Variants in PLA2G4E observed in about 807,000 individuals in gnomAD.
PLA2G4E encodes cytosolic phospholipase A2 epsilon.
PLA2G4E carries 84 observed loss-of-function variants against 109.1 expected under a neutral mutation model. The observed-to-expected ratio is 0.77, with a 90% CI of 0.65 to 0.92. The LOEUF (loss-of-function observed/expected upper bound fraction) is 0.92, where lower values mean the gene tolerates loss of function less well. Ranked by LOEUF, PLA2G4E falls within the 40% of genes least tolerant of loss-of-function variation. The pLI, the probability that PLA2G4E is intolerant of heterozygous loss-of-function variation, is 0.00. For missense variants in PLA2G4E, 1,057 were observed against 1,076.6 expected (o/e 0.98, Z 0.25); for synonymous variants, 469 against 436.1 (o/e 1.08, Z -0.94).
chr15:42,021,158 G>A (rs138881417), intron 1 of PLA2G4E, among the ~76,000 whole-genome samples, 116 bp from the exon 1 acceptor site: 1 of 151,856 alleles, frequency 6.6e-6, no homozygotes, highest in African/African-American at 2.4e-5. Context: ...TAGACAGATA[G>A]GGTGCATGGG....
chr15:42,011,564 AT>A (rs35303336), intron 2 of PLA2G4E, among the ~76,000 whole-genome samples: 43,113 of 149,076 alleles, frequency 0.29, 7,084 homozygotes, highest in African/African-American at 0.45. Flanking sequence ...TCCACAAATA[AT>A]TTTTTTTTTT....
intron 13 of PLA2G4E, among the ~76,000 whole-genome samples, chr15:41,991,864 C>T (rs566693984): frequency 6.6e-6 from 1 of 152,288 alleles, no homozygotes; most frequent in East Asian, 1.9e-4. Context: ...GGCCAGGCAA[C>T]AACAAAAGTT....
chr15:42,006,018 G>T, exon 4 of PLA2G4E: 1 of 1,613,940 alleles, frequency 6.2e-7, no homozygotes, highest in Non-Finnish European at 8.5e-7. Context: ...CTTCACGTGG[G>T]TTTTCTTTCG....
At chr15:42,008,523 C>T (rs767134386) in intron 2 of PLA2G4E, among the ~76,000 whole-genome samples, 1 of 152,238 alleles carries the variant, frequency 6.6e-6, no homozygotes, top group Non-Finnish European at 1.5e-5. Context: ...CCACATACTT[C>T]TTTTTCATTC....
intron 1 of PLA2G4E, among the ~76,000 whole-genome samples, chr15:42,036,471 C>G (rs1476231415): frequency 6.6e-6 from 1 of 152,148 alleles, no homozygotes; most frequent in Non-Finnish European, 1.5e-5. Context: ...GCAGCCATTG[C>G]TGCCATCGCC....
At chr15:42,029,353 C>T (rs1889076152) in intron 1 of PLA2G4E, among the ~76,000 whole-genome samples, 2 of 152,196 alleles carry the variant, frequency 1.3e-5, no homozygotes, top group South Asian at 4.1e-4. Flanking sequence ...ACCTCAGCGT[C>T]CCAAAGTACT....
chr15:41,995,378 C>A lies in PLA2G4E; in HGVS notation c.1229G>T (p.Gly410Val). Residue 410 changes from glycine to valine, a missense_variant, in exon 12 of 20, where the codon GGT becomes GTT. Gly to Val is a moderately radical substitution (Grantham distance 109). Transcript: ENST00000399518. ...TCCTTACCAGGTGGCCCCTGATAGA[C>A]CGGTGATGTAGCTGGCACAGTCCAG... The A allele has an allele frequency of 6.2e-7, 1 of 1,613,478 alleles. No individual in the cohort carries two copies. Among genetic ancestry groups the A allele is most frequent in the South Asian group, 1.1e-5 (1 of 91,056 alleles).
exon 17 of PLA2G4E, chr15:41,987,288 T>C (rs377526076): frequency 5.9e-5 from 95 of 1,613,866 alleles, no homozygotes; most frequent in East Asian, 1.8e-4. Context: ...TCGGAAAGAA[T>C]TGGACAGCCA....
chr15:41,985,779 T>C, intron 18 of PLA2G4E, 60 bp downstream of exon 18: 1 of 1,542,106 alleles, frequency 6.5e-7, no homozygotes, highest in South Asian at 1.2e-5. Context: ...GGCCACTGAC[T>C]GCGGGGCCCA....
rs114288239 is a variant in PLA2G4E at position 42,046,331 on chromosome 15, G to T, written c.183+4190C>A. ...TCAAAGCTGCTTTCCGCAGCATCCG[G>T]TCCATAAGGCCCGGACTTCACCTCC... On this transcript the variant is annotated intron_variant, in intron 1 of 19. Transcript: ENST00000399518. Among the ~76,000 whole-genome samples, 1,222 of 152,318 alleles carry T rather than the reference G, an allele frequency of 8.0e-3. 16 individuals carry two copies. Among genetic ancestry groups the T allele is most frequent in the African/African-American group, 0.028 (1,156 of 41,564 alleles).
At chr15:42,008,223 G>A (rs961703396) in intron 2 of PLA2G4E, among the ~76,000 whole-genome samples, 3 of 152,316 alleles carry the variant, frequency 2.0e-5, no homozygotes, top group South Asian at 2.1e-4. Context: ...CCAAGGGTCC[G>A]GATTACTTCT....
chr15:42,035,145 C>G (rs1413141233), intron 1 of PLA2G4E, among the ~76,000 whole-genome samples: 1 of 152,188 alleles, frequency 6.6e-6, no homozygotes. Context: ...CTTCAGGAGC[C>G]CTCTTCTCCG....
chr15:42,002,513 C>T (rs1170509815), intron 6 of PLA2G4E, 141 bp downstream of exon 6: 1 of 942,844 alleles, frequency 1.1e-6, no homozygotes, highest in African/African-American at 1.7e-5. Flanking sequence ...TTTGGCTGGC[C>T]TCGTTTAGTC....
intron 1 of PLA2G4E, among the ~76,000 whole-genome samples, chr15:42,045,761 A>G (rs1050985893): frequency 2.1e-4 from 32 of 152,168 alleles, no homozygotes; most frequent in Admixed American, 1.3e-4. Flanking sequence ...TCCTTTAGAG[A>G]TGTCATCCAG....
chr15:41,984,428 C>T lies in PLA2G4E; in HGVS notation c.2386+8G>A. 4 of 1,607,402 alleles carry T rather than the reference C, an allele frequency of 2.5e-6. No homozygotes were observed. The highest frequency in any genetic ancestry group is 1.3e-5 in the African/African-American group (1 of 75,004). The stretch of plus-strand genomic sequence containing the variant: ...AGGTGCTGGGAACTGAGCACAGAGG[C>T]AGCTCACCTGGTGCCTTGTATTTTC... On this transcript the variant is annotated splice_region_variant and intron_variant, in intron 19 of 19. Coordinates refer to ENST00000399518, the Ensembl canonical transcript of PLA2G4E.
Position 42,041,432 on chromosome 15 carries a change from T to C in PLA2G4E, c.183+9089A>G, listed in dbSNP as rs555715691. On this transcript the variant is annotated intron_variant, in intron 1 of 19. Coordinates refer to ENST00000399518, the Ensembl canonical transcript of PLA2G4E. The stretch of plus-strand genomic sequence containing the variant: ...TACTGGTGAGTGGAGCTGGGCAGCA[T>C]CCTCCCTTACGAATCCAGTTGCATC... 1.1e-4 allele frequency among the ~76,000 whole-genome samples: 16 copies of C among 152,206 alleles called. 1 individual carries two copies. In the South Asian group the frequency reaches 2.9e-3, roughly 28 times the overall value.
chr15:42,043,420 C>G (rs545690082), intron 1 of PLA2G4E, among the ~76,000 whole-genome samples: 1 of 151,514 alleles, frequency 6.6e-6, no homozygotes, highest in Non-Finnish European at 1.5e-5. Context: ...ATCCACTCGG[C>G]CTTTCTCAGA....
chr15:41,995,462 C>G (rs371361784), exon 12 of PLA2G4E: 3 of 1,613,860 alleles, frequency 1.9e-6, no homozygotes, highest in Non-Finnish European at 2.5e-6. Flanking sequence ...GGATCTTGTT[C>G]CACCCCCAGT....
At chr15:42,045,974 G>T (rs921399479) in intron 1 of PLA2G4E, among the ~76,000 whole-genome samples, 2 of 152,012 alleles carry the variant, frequency 1.3e-5, no homozygotes, top group African/African-American at 4.8e-5. Context: ...CTGAGTAAGG[G>T]GCATCTCTCA....
Sources: allele counts gnomAD v4.1 joint callset (sites outside exome capture counted in the v4.1 genomes callset), GRCh38; gene constraint gnomAD v4.1.1; transcripts MANE v1.5; gene names NCBI Gene and HGNC (gene_info 2026-07-23, HGNC 2026-07-21).